DDHD2: variants seen among roughly 807,000 people sequenced by gnomAD.
DDHD2 encodes DDHD domain containing 2, also known as triacylglycerol hydrolase DDHD2.
In DDHD2, 62 loss-of-function variants were observed where a neutral mutation model predicts 91.2. That is an observed-to-expected ratio of 0.68 (90% CI 0.55 to 0.84). The LOEUF is 0.84. DDHD2 is among the 40% of genes least tolerant of loss of function. The pLI, the probability that DDHD2 is intolerant of heterozygous loss-of-function variation, is 0.00. For missense variants in DDHD2, 740 were observed against 846.9 expected, an observed-to-expected ratio of 0.87 and a Z score of 1.57; for synonymous variants, 271 against 293.9, an observed-to-expected ratio of 0.92 and a Z score of 0.80.
intron 16 of DDHD2, among the ~76,000 whole-genome samples, chr8:38,258,836 C>T (rs893663114): frequency 2.0e-5 from 3 of 152,178 alleles, no homozygotes; most frequent in Non-Finnish European, 4.4e-5. Context: ...AAATGTTGAA[C>T]CACAGATCTA....
chr8:38,233,429 T>A (rs1184128487), intron 2 of DDHD2, among the ~76,000 whole-genome samples: 2 of 152,134 alleles, frequency 1.3e-5, no homozygotes, highest in African/African-American at 4.8e-5. Flanking sequence ...TATCTATTAT[T>A]ATTTCTGCAT....
At chr8:38,232,732 T>G (rs534496719) in intron 1 of DDHD2, among the ~76,000 whole-genome samples, 1 of 152,218 alleles carries the variant, frequency 6.6e-6, no homozygotes, top group Admixed American at 6.5e-5. Context: ...TTATAACTTA[T>G]GGACTGAGTA....
chr8:38,260,211 T>C, intron 17 of DDHD2, 64 bp downstream of exon 17: 3 of 920,474 alleles, frequency 3.3e-6, no homozygotes, highest in African/African-American at 3.3e-5. Context: ...TAATGAACTA[T>C]GGAGCCTCAA....
chr8:38,237,743 T>C (rs1433474333), intron 4 of DDHD2, 116 bp downstream of exon 4: 1 of 594,272 alleles, frequency 1.7e-6, no homozygotes, highest in East Asian at 3.2e-5. Context: ...AAATTTTATA[T>C]TGAATTCACA....
chr8:38,266,566 A>C, downstream of DDHD2: 1 of 326,756 alleles, frequency 3.1e-6, no homozygotes, highest in Non-Finnish European at 5.6e-6. Context: ...ATGCCCAGCT[A>C]ATTTTTTTAT....
exon 2 of DDHD2, chr8:38,271,353 G>A (rs1476370380): frequency 6.6e-6 from 1 of 152,148 alleles, no homozygotes; most frequent in South Asian, 2.1e-4. Flanking sequence ...ATGAGGCAGA[G>A]GTCTCAATGT....
rs1317482298 is a variant in DDHD2, at chr8:38,261,013, C to G, written c.*440C>G. ...AAACAGATTCTTGAGATTCAGAAGG[C>G]ATTTTGGAGTACACTTATCTCTTGT... On this transcript the variant is annotated 3_prime_UTR_variant, in exon 18 of 18. Coordinates refer to ENST00000397166, the MANE Select transcript of DDHD2 (RefSeq NM_015214.3). 6.6e-6 allele frequency: 1 copy of G among 152,074 alleles called. No homozygotes were observed. The highest frequency in any genetic ancestry group is 1.9e-4 in the East Asian group (1 of 5,194). The allele number at this position is 152,074 out of a possible 1,614,324, so 9.4% of individuals were successfully genotyped here. A position where few individuals can be genotyped will look rare whatever the true frequency, so the allele number is the denominator to read the frequency against.
rs1255423097 is a variant in DDHD2 at position 38,260,019 on chromosome 8, CATAATTTTT to C, written c.2055-20_2055-12del. The stretch of plus-strand genomic sequence containing the variant: ...CACAAGTGTTAGTTCCTTTTCTCAA[CATAATTTTT>C]TCTCTTTATAGGGAGTCTGAAGATA... On this transcript the variant is annotated splice_polypyrimidine_tract_variant and intron_variant, in intron 16 of 17. Coordinates refer to ENST00000397166, the MANE Select transcript of DDHD2 (RefSeq NM_015214.3). 8 of 1,527,562 alleles carry C rather than the reference CATAATTTTT, an allele frequency of 5.2e-6. No homozygotes were observed. The highest frequency in any genetic ancestry group is 7.3e-6 in the Non-Finnish European group (8 of 1,102,864). 94.6% of individuals were successfully genotyped at this position (1,527,562 alleles called of 1,614,324 possible). A position where few individuals can be genotyped will look rare whatever the true frequency, so the allele number is the denominator to read the frequency against.
intron 14 of DDHD2, 30 bp from the exon 15 acceptor site, chr8:38,252,927 C>A: frequency 6.2e-7 from 1 of 1,612,156 alleles, no homozygotes; most frequent in Non-Finnish European, 8.5e-7. Context: ...CTTTGTAAAT[C>A]ATTTAATGTT....
chr8:38,252,402 A>G, intron 13 of DDHD2, 115 bp downstream of exon 13: 2 of 1,161,096 alleles, frequency 1.7e-6, no homozygotes, highest in Non-Finnish European at 2.4e-6. Context: ...TAGCAATGAG[A>G]CAACTTATAA....
chr8:38,268,186 G>A, intron 1 of DDHD2: 1 of 1,168,850 alleles, frequency 8.6e-7, no homozygotes, highest in Non-Finnish European at 1.2e-6. Context: ...TTAGGCACAG[G>A]GCTGCCTGCC....
intron 5 of DDHD2, chr8:38,238,800 C>A: frequency 1.7e-6 from 1 of 576,458 alleles, no homozygotes; most frequent in Non-Finnish European, 2.2e-6. Context: ...TGCCTGGATT[C>A]AATAACTGTA....
chr8:38,268,197 G>T (rs1807999118), intron 1 of DDHD2: 3 of 1,106,072 alleles, frequency 2.7e-6, no homozygotes, highest in Non-Finnish European at 3.8e-6. Context: ...GCTGCCTGCC[G>T]TGTAGCCTGC....
chr8:38,265,025 T>C (rs1807369268), downstream of DDHD2: 1 of 1,001,274 alleles, frequency 1.0e-6, no homozygotes, highest in Non-Finnish European at 1.6e-6. Context: ...TCCCAGCACT[T>C]TGGGAGGACC....
chr8:38,246,145 A>G lies in DDHD2; in HGVS notation c.1058-88A>G, dbSNP rs111363444. On this transcript the variant is annotated intron_variant, in intron 8 of 17. Transcript: ENST00000397166. ...CCTTGCTGTATAGATTTGCTTACAT[A>G]TGTAATTGGCTTATGCCTTTTTTGT... 10 of 1,128,048 alleles carry G rather than the reference A, an allele frequency of 8.9e-6. 1 individual carries two copies. Among genetic ancestry groups the G allele is most frequent in the African/African-American group, 4.7e-5 (3 of 64,306 alleles). 69.9% of individuals were successfully genotyped at this position (1,128,048 alleles called of 1,614,324 possible).
chr8:38,251,772 C>G lies in DDHD2; in HGVS notation c.1345-140C>G, dbSNP rs1349050235. 3 of 598,556 alleles carry G rather than the reference C, an allele frequency of 5.0e-6. No individual in the cohort carries two copies. In the African/African-American group the frequency reaches 5.6e-5, roughly 11 times the overall value. The allele number at this position is 598,556 out of a possible 1,614,324, so 37.1% of individuals were successfully genotyped here. A position where few individuals can be genotyped will look rare whatever the true frequency, so the allele number is the denominator to read the frequency against. ...CCCATACTTTTTTTTTAAATAGAGACTATGTTGCCCACGTTGGACTTGAAC... is the reference window on the plus strand; with the variant it reads ...CCCATACTTTTTTTTTAAATAGAGAGTATGTTGCCCACGTTGGACTTGAAC... On this transcript the variant is annotated intron_variant, in intron 11 of 17. Transcript: ENST00000397166.
downstream of DDHD2, chr8:38,267,111 G>A: frequency 6.7e-7 from 1 of 1,499,788 alleles, no homozygotes; most frequent in South Asian, 1.4e-5. Flanking sequence ...AATAGTCAAG[G>A]CTCAGACTTG....
At chr8:38,252,485 A>G (rs1483275230) in intron 13 of DDHD2, among the ~76,000 whole-genome samples, 198 bp downstream of exon 13, 1 of 152,156 alleles carries the variant, frequency 6.6e-6, no homozygotes, top group African/African-American at 2.4e-5. Context: ...TGTTTAAGAT[A>G]CATAGTTCTG....
chr8:38,241,500 A>G (rs897011664), intron 6 of DDHD2, among the ~76,000 whole-genome samples: 1 of 151,724 alleles, frequency 6.6e-6, no homozygotes, highest in Non-Finnish European at 1.5e-5. Flanking sequence ...AGCTCACTGC[A>G]ACTTCTGCCT....
Sources: allele counts gnomAD v4.1 joint callset (sites outside exome capture counted in the v4.1 genomes callset), GRCh38; gene constraint gnomAD v4.1.1; transcripts MANE v1.5; gene names NCBI Gene and HGNC (gene_info 2026-07-23, HGNC 2026-07-21).